Variants in NALF1 observed in about 807,000 individuals in gnomAD.
NALF1 encodes the protein NALCN channel auxiliary factor 1.
NALF1 carries 3 observed loss-of-function variants against 48.4 expected under a neutral mutation model. The observed-to-expected ratio is 0.06, with a 90% CI of 0.03 to 0.16. NALF1 has a LOEUF of 0.16. Among genes scored for constraint, NALF1 ranks in the 10% least tolerant of loss-of-function variants. The probability of loss-of-function intolerance (pLI) is 1.00; values close to 1 mark genes in which losing one functional copy is unlikely to be tolerated. For synonymous variants in NALF1, 262 were observed against 245.7 expected (o/e 1.07, Z -0.62); for missense variants, 526 against 571.5 (o/e 0.92, Z 0.81).
At chr13:107,754,238 T>C (rs917518830) in intron 1 of NALF1, among the ~76,000 whole-genome samples, 5 of 152,164 alleles carry the variant, frequency 3.3e-5, no homozygotes, top group African/African-American at 1.2e-4. Flanking sequence ...ATGGTAGTGA[T>C]GTCTTTAATG....
chr13:107,484,104 G>A (rs936664222), intron 1 of NALF1, among the ~76,000 whole-genome samples: 1 of 151,860 alleles, frequency 6.6e-6, no homozygotes, highest in Non-Finnish European at 1.5e-5. Context: ...GATCACTATA[G>A]CACAGTACAG....
intron 1 of NALF1, among the ~76,000 whole-genome samples, chr13:107,782,688 A>C (rs1179783010): frequency 6.8e-6 from 1 of 146,028 alleles, no homozygotes; most frequent in African/African-American, 2.6e-5. Context: ...AGATGTGGGG[A>C]GTGCCTTTGC....
intron 1 of NALF1, among the ~76,000 whole-genome samples, chr13:107,826,085 C>T (rs970693838): frequency 5.9e-5 from 9 of 152,124 alleles, no homozygotes; most frequent in Admixed American, 1.3e-4. Context: ...AGCCTTATAA[C>T]GAGTACTATT....
chr13:107,204,877 A>C (rs1265125447), intron 2 of NALF1, among the ~76,000 whole-genome samples: 1 of 151,150 alleles, frequency 6.6e-6, no homozygotes, highest in East Asian at 2.0e-4. Flanking sequence ...TGATTTTAAA[A>C]AATTAAATGA....
chr13:107,298,413 C>T (rs962991401), intron 1 of NALF1, among the ~76,000 whole-genome samples: 6 of 141,924 alleles, frequency 4.2e-5, no homozygotes, highest in African/African-American at 1.6e-4. Flanking sequence ...TACATATACA[C>T]GTTTCTTTTT....
chr13:107,660,459 ACACACACACACACACACACAC>A (rs1880701512), intron 1 of NALF1, among the ~76,000 whole-genome samples: 3 of 132,242 alleles, frequency 2.3e-5, no homozygotes, highest in Non-Finnish European at 3.4e-5. Flanking sequence ...ACACACACAC[ACACACACACACACACACACAC>A]ACACAACAAA....
At chr13:107,828,745 A>G (rs1879610538) in intron 1 of NALF1, among the ~76,000 whole-genome samples, 1 of 152,142 alleles carries the variant, frequency 6.6e-6, no homozygotes, top group African/African-American at 2.4e-5. Context: ...GAAGCAAATA[A>G]AACAATAATG....
At chr13:107,556,220 C>CA (rs1877469848) in intron 1 of NALF1, among the ~76,000 whole-genome samples, 1 of 150,654 alleles carries the variant, frequency 6.6e-6, no homozygotes, top group Non-Finnish European at 1.5e-5. Context: ...GACTGATAGT[C>CA]ATTCCTTTTG....
chr13:107,415,631 G>A (rs1884072228), intron 1 of NALF1, among the ~76,000 whole-genome samples: 1 of 152,188 alleles, frequency 6.6e-6, no homozygotes, highest in African/African-American at 2.4e-5. Context: ...TGCCACAACA[G>A]TCAGTTCACT....
At chr13:107,821,525 T>G (rs1312909193) in intron 1 of NALF1, among the ~76,000 whole-genome samples, 1 of 152,178 alleles carries the variant, frequency 6.6e-6, no homozygotes, top group East Asian at 1.9e-4. Context: ...AACCTTAGTC[T>G]ATTACGGAGA....
At chr13:107,535,817 C>T (rs945667053) in intron 1 of NALF1, among the ~76,000 whole-genome samples, 1 of 152,168 alleles carries the variant, frequency 6.6e-6, no homozygotes, top group African/African-American at 2.4e-5. Flanking sequence ...TGCTACCTCA[C>T]TTCAAACTAT....
At chr13:107,705,484 T>A (rs1881926004) in intron 1 of NALF1, among the ~76,000 whole-genome samples, 1 of 145,242 alleles carries the variant, frequency 6.9e-6, no homozygotes, top group Non-Finnish European at 1.5e-5. Context: ...TGCAAAAGGT[T>A]CATATGCTAA....
chr13:107,670,831 C>A (rs1880972928), intron 1 of NALF1, among the ~76,000 whole-genome samples: 1 of 152,120 alleles, frequency 6.6e-6, no homozygotes, highest in East Asian at 1.9e-4. Context: ...GAGTAATACC[C>A]AGTGCTGGTA....
At chr13:107,775,846 T>C (rs528821073) in intron 1 of NALF1, among the ~76,000 whole-genome samples, 1 of 152,272 alleles carries the variant, frequency 6.6e-6, no homozygotes, top group Admixed American at 6.5e-5. Context: ...GCAACTGAGG[T>C]TTGGATAAGC....
intron 1 of NALF1, among the ~76,000 whole-genome samples, chr13:107,306,499 CTG>C (rs1763520228): frequency 6.6e-6 from 1 of 152,160 alleles, no homozygotes; most frequent in Non-Finnish European, 1.5e-5. Flanking sequence ...GTTGAATAAA[CTG>C]TCATTTACCG....
At chr13:107,487,849 G>C (rs1885354511) in intron 1 of NALF1, among the ~76,000 whole-genome samples, 1 of 151,778 alleles carries the variant, frequency 6.6e-6, no homozygotes, top group East Asian at 1.9e-4. Flanking sequence ...GTTTCAGTAG[G>C]AATTGTACTG....
At chr13:107,668,286 A>G (rs532098891) in intron 1 of NALF1, among the ~76,000 whole-genome samples, 22 of 152,008 alleles carry the variant, frequency 1.4e-4, no homozygotes, top group Admixed American at 5.3e-4. Context: ...CATCTCAACT[A>G]CTAACTCACT....
intron 1 of NALF1, among the ~76,000 whole-genome samples, chr13:107,579,810 C>G (rs1465840466): frequency 6.6e-6 from 1 of 152,134 alleles, no homozygotes; most frequent in Non-Finnish European, 1.5e-5. Context: ...TCTCCCAATA[C>G]TATCCCTTCC....
chr13:107,234,486 GAC>G (rs1880296865), intron 1 of NALF1, among the ~76,000 whole-genome samples: 2 of 152,092 alleles, frequency 1.3e-5, no homozygotes, highest in African/African-American at 4.8e-5. Context: ...AAACATCAAA[GAC>G]AGGCGGGACA....
Sources: allele counts gnomAD v4.1 joint callset (sites outside exome capture counted in the v4.1 genomes callset), GRCh38; gene constraint gnomAD v4.1.1; transcripts MANE v1.5; gene names NCBI Gene and HGNC (gene_info 2026-07-23, HGNC 2026-07-21).